Variants in NUP210 observed in about 807,000 individuals in gnomAD.
The protein encoded by NUP210 is nuclear pore membrane glycoprotein 210.
A neutral mutation model predicts 196.0 loss-of-function variants in NUP210; 151 were observed. The ratio of observed to expected loss-of-function variants is 0.77; its 90% CI spans 0.67 to 0.88. The LOEUF is 0.88. Ranked by LOEUF, NUP210 falls within the 40% of genes least tolerant of loss-of-function variation. The pLI is 0.00. For synonymous variants in NUP210, 1,070 were observed against 1,052.7 expected, an observed-to-expected ratio of 1.02 and a Z score of -0.32; for missense variants, 2,314 against 2,493.7, an observed-to-expected ratio of 0.93 and a Z score of 1.53.
chr3:13,381,034 G>C (rs1198093989), intron 6 of NUP210, among the ~76,000 whole-genome samples: 1 of 152,226 alleles, frequency 6.6e-6, no homozygotes, highest in Admixed American at 6.5e-5. Context: ...AGCCCTGTAG[G>C]TGATTCTGAT....
chr3:13,334,195 C>T (rs1415232936), intron 28 of NUP210, among the ~76,000 whole-genome samples: 1 of 152,210 alleles, frequency 6.6e-6, no homozygotes, highest in Non-Finnish European at 1.5e-5. Context: ...TACTCAAACT[C>T]TACCTGCTGT....
In NUP210 at chr3:13,328,813, A is replaced by G; in HGVS notation, c.4244T>C (p.Val1415Ala). Residue 1415 changes from valine to alanine, a missense_variant, in exon 31 of 40, where the codon GTC becomes GCC. Coordinates refer to ENST00000254508, the MANE Select transcript of NUP210 (RefSeq NM_024923.4). ...TVHFHDNSGD[V>A]FHAHSSVLNF... Reference sequence around the variant, plus strand: ...GAGGACCGAACTGTGAGCATGGAAGACATCTCCAGAGTTGTCGTGGAAGTG... The same window carrying G: ...GAGGACCGAACTGTGAGCATGGAAGGCATCTCCAGAGTTGTCGTGGAAGTG... 6.2e-7 allele frequency: 1 copy of G among 1,614,166 alleles called. No individual in the cohort carries two copies. The highest frequency in any genetic ancestry group is 1.1e-5 in the South Asian group (1 of 91,084).
At position 13,317,463 on chromosome 3, in the gene NUP210, T is replaced by C. The variant is rs992024995; in HGVS notation, c.*218A>G. The C allele has an allele frequency of 7.9e-5, 44 of 558,908 alleles. No individual in the cohort carries two copies. Among genetic ancestry groups the C allele is most frequent in the Admixed American group, 2.0e-4 (6 of 30,318 alleles). 34.6% of individuals were successfully genotyped at this position (558,908 alleles called of 1,614,324 possible). On this transcript the variant is annotated 3_prime_UTR_variant, in exon 40 of 40. Coordinates refer to ENST00000254508, the MANE Select transcript of NUP210 (RefSeq NM_024923.4). ...CAAAAAGTCTTAGCTTTGTAAGACT[T>C]GAAAGGAAAAAAACACACATTTAAA...
At chr3:13,392,078 C>T (rs1222891696) in intron 3 of NUP210, among the ~76,000 whole-genome samples, 2 of 152,154 alleles carry the variant, frequency 1.3e-5, no homozygotes, top group Admixed American at 6.5e-5. Flanking sequence ...ATGTTCCACG[C>T]CTGTTCCACA....
rs144623047 is a variant in NUP210, at chr3:13,352,131, G to A, written c.2682C>T (p.Asp894=). Residue 894 remains aspartate, a synonymous_variant, in exon 19 of 40, where the codon GAC becomes GAT. Coordinates refer to ENST00000254508, the MANE Select transcript of NUP210 (RefSeq NM_024923.4). Reference sequence around the variant, plus strand: ...TCACCTCTTCTGGGCTCACCCTCACGTCCTCCACCAGGATGAGCTCTATGG... The same window carrying A: ...TCACCTCTTCTGGGCTCACCCTCACATCCTCCACCAGGATGAGCTCTATGG... ...SASIELILVE[D]VRVSPEEVTI... The A allele has an allele frequency of 1.1e-3, 1,734 of 1,614,046 alleles. 13 individuals are homozygous for A. The East Asian group carries it at 0.021, about 20-fold the overall frequency.
rs894991639 is a variant in NUP210 at position 13,412,056 on chromosome 3, G to A, written c.167+8004C>T. Among the ~76,000 whole-genome samples the A allele has an allele frequency of 4.7e-5, 7 of 148,812 alleles. No homozygotes were observed. In the South Asian group the frequency reaches 1.1e-3, roughly 23 times the overall value. On this transcript the variant is annotated intron_variant, in intron 1 of 39. Coordinates refer to ENST00000254508, the MANE Select transcript of NUP210 (RefSeq NM_024923.4). ...CTGCATCTGGCCAGCCACTGCACCC[G>A]GCCTAGTTTTTTTAATAGACAGGCT...
chr3:13,389,279 G>A (rs1348215005), intron 4 of NUP210, among the ~76,000 whole-genome samples: 2 of 152,248 alleles, frequency 1.3e-5, no homozygotes, highest in Admixed American at 6.5e-5. Context: ...CTGCCTGGAA[G>A]CTCAAGGGGT....
At chr3:13,372,208 T>C (rs1367599769) in intron 12 of NUP210, among the ~76,000 whole-genome samples, 176 bp from the exon 13 acceptor site, 1 of 151,626 alleles carries the variant, frequency 6.6e-6, no homozygotes, top group Non-Finnish European at 1.5e-5. Context: ...CTCTGAGGAG[T>C]GGCCTAGGAG....
chr3:13,321,518 T>C, intron 36 of NUP210, 67 bp downstream of exon 36: 1 of 1,551,456 alleles, frequency 6.4e-7, no homozygotes, highest in Non-Finnish European at 8.8e-7. Context: ...CCACATTCCC[T>C]CTTCCTCCAG....
chr3:13,370,067 G>A (rs1293840010), intron 13 of NUP210, among the ~76,000 whole-genome samples: 2 of 152,194 alleles, frequency 1.3e-5, no homozygotes, highest in South Asian at 2.1e-4. Flanking sequence ...GGGTATTATA[G>A]GGACAGGTCA....
chr3:13,378,694 T>C (rs1324502926), intron 8 of NUP210, among the ~76,000 whole-genome samples: 1 of 152,222 alleles, frequency 6.6e-6, no homozygotes, highest in Non-Finnish European at 1.5e-5. Context: ...TTTCTCTCCT[T>C]GCTGAGCCTG....
At chr3:13,356,599 C>A (rs988418742) in intron 16 of NUP210, among the ~76,000 whole-genome samples, 18 of 152,074 alleles carry the variant, frequency 1.2e-4, no homozygotes, top group African/African-American at 4.3e-4. Flanking sequence ...GCCGAGATTG[C>A]GCCACTGCAC....
chr3:13,384,241 G>A (rs1484125639), intron 6 of NUP210, among the ~76,000 whole-genome samples: 12 of 152,244 alleles, frequency 7.9e-5, no homozygotes, highest in African/African-American at 2.9e-4. Context: ...GATTATGGGC[G>A]TGAGCCACCA....
At chr3:13,405,948 T>C (rs1699989116) in intron 1 of NUP210, among the ~76,000 whole-genome samples, 1 of 152,224 alleles carries the variant, frequency 6.6e-6, no homozygotes, top group South Asian at 2.1e-4. Flanking sequence ...GCATTTTAAC[T>C]ATTACATATT....
At chr3:13,399,644 GCCTCTAGGA>G in intron 2 of NUP210, 72 bp downstream of exon 2, 1 of 1,579,580 alleles carries the variant, frequency 6.3e-7, no homozygotes, top group Non-Finnish European at 8.7e-7. Context: ...GGCTCAGGTA[GCCTCTAGGA>G]CCCTGGGTCT....
intron 17 of NUP210, 34 bp downstream of exon 17, chr3:13,353,881 C>A (rs760581966): frequency 1.3e-6 from 2 of 1,579,454 alleles, no homozygotes; most frequent in African/African-American, 2.7e-5. Context: ...TCTCTGTTCT[C>A]CTGCCTGGGC....
chr3:13,382,594 G>T (rs556420988), intron 6 of NUP210, among the ~76,000 whole-genome samples: 2 of 152,230 alleles, frequency 1.3e-5, no homozygotes, highest in African/African-American at 4.8e-5. Context: ...TACCAAAGAA[G>T]AAAAAATTAC....
chr3:13,381,761 T>C (rs1272959327), intron 6 of NUP210, among the ~76,000 whole-genome samples: 1 of 152,156 alleles, frequency 6.6e-6, no homozygotes, highest in African/African-American at 2.4e-5. Context: ...TGCCCTTCTA[T>C]AGGTCAGGAA....
intron 20 of NUP210, among the ~76,000 whole-genome samples, chr3:13,345,589 G>A (rs1697690416): frequency 6.6e-6 from 1 of 152,212 alleles, no homozygotes; most frequent in Non-Finnish European, 1.5e-5. Context: ...CACCACCCGT[G>A]TAATGATGGG....
Sources: gnomAD v4.1 joint callset for allele counts (sites outside exome capture counted in the v4.1 genomes callset) on GRCh38, gnomAD v4.1.1 for gene constraint, MANE v1.5 for transcripts, NCBI Gene and HGNC (gene_info 2026-07-23, HGNC 2026-07-21) for gene names.